SEPTIN3: variants seen among roughly 807,000 people sequenced by gnomAD.
The protein encoded by SEPTIN3 is neuronal-specific septin-3.
A neutral mutation model predicts 45.1 loss-of-function variants in SEPTIN3; 15 were observed. The observed-to-expected ratio is 0.33, with a 90% CI of 0.22 to 0.51. SEPTIN3 has a LOEUF of 0.51. Among genes scored for constraint, SEPTIN3 ranks in the 20% least tolerant of loss-of-function variants. SEPTIN3 has a pLI of 0.97. For synonymous variants in SEPTIN3, 148 were observed against 164.8 expected, an observed-to-expected ratio of 0.90 and a Z score of 0.78; for missense variants, 289 against 457.2, an observed-to-expected ratio of 0.63 and a Z score of 3.35.
chr22:41,992,860 A>T, intron 9 of SEPTIN3, 97 bp downstream of exon 9: 1 of 815,924 alleles, frequency 1.2e-6, no homozygotes, highest in Non-Finnish European at 2.1e-6. Context: ...CTCAGGACAT[A>T]TGAAATGAAT....
intron 7 of SEPTIN3, 121 bp from the exon 8 acceptor site, chr22:41,991,452 A>T: frequency 1.4e-6 from 1 of 732,576 alleles, no homozygotes. Context: ...TTCAGAGATG[A>T]CTGTGGATTA....
intron 11 of SEPTIN3, chr22:41,995,464 G>A: frequency 1.0e-6 from 1 of 985,522 alleles, no homozygotes; most frequent in East Asian, 1.1e-4. Flanking sequence ...CTGCTGCCAG[G>A]CCACTGCCTG....
At position 41,972,379 on chromosome 22, in the gene SEPTIN3, A is replaced by G. The variant is rs903643580; in HGVS notation, c.887A>G (p.Glu296Gly). Reference sequence around the variant, plus strand: ...ACATCCCAACTGGACACAGGCACAGAGTTCCCTGCCCTGGATATCAAGCTG... The same window carrying G: ...ACATCCCAACTGGACACAGGCACAGGGTTCCCTGCCCTGGATATCAAGCTG... ...PNTSQLDTGT[E>G]FPALDIKLGT... Residue 296 changes from glutamate (E) to glycine (G), a missense_variant, in exon 2 of 12, where the codon GAG (glutamate) becomes GGG (glycine). Physicochemically the swap from Glu to Gly is moderately conservative, Grantham distance 98. Coordinates refer to ENST00000644076, the MANE Select transcript of SEPTIN3 (RefSeq NM_001363845.2). The G allele has an allele frequency of 2.5e-6, 1 of 399,158 alleles. No individual in the cohort carries two copies. Among genetic ancestry groups the G allele is most frequent in the Middle Eastern group, 6.3e-4 (1 of 1,588 alleles). 24.7% of individuals were successfully genotyped at this position (399,158 alleles called of 1,614,324 possible).
chr22:41,979,429 G>A (rs2078086352), intron 2 of SEPTIN3, among the ~76,000 whole-genome samples: 1 of 152,218 alleles, frequency 6.6e-6, no homozygotes, highest in East Asian at 1.9e-4. Flanking sequence ...CACAGGTTGA[G>A]ACCAAATGGG....
intron 3 of SEPTIN3, among the ~76,000 whole-genome samples, chr22:41,983,586 T>G (rs1398870253): frequency 6.6e-6 from 1 of 152,196 alleles, no homozygotes; most frequent in Non-Finnish European, 1.5e-5. Flanking sequence ...AGCATTGTAC[T>G]CCTCACTCAG....
At position 41,992,677 on chromosome 22, in the gene SEPTIN3, CT is replaced by C; in HGVS notation, c.2277del (p.Phe759LeufsTer12). ...ENDKIRQESM[P>X]FAVVGSDKEY... Reference sequence around the variant, plus strand: ...TGCCCCGTGCAGCAGGAGAGCATGCCTTTTGCTGTGGTGGGAAGTGACAAGG... The same window carrying C: ...TGCCCCGTGCAGCAGGAGAGCATGCCTTTGCTGTGGTGGGAAGTGACAAGG... On this transcript the variant is annotated frameshift_variant, in exon 9 of 12. Coordinates refer to ENST00000644076, the MANE Select transcript of SEPTIN3 (RefSeq NM_001363845.2). LOFTEE classifies it high-confidence loss of function. 6.2e-7 allele frequency: 1 copy of C among 1,606,744 alleles called. No homozygotes were observed. Among genetic ancestry groups the C allele is most frequent in the Non-Finnish European group, 8.5e-7 (1 of 1,176,108 alleles).
At position 41,971,807 on chromosome 22, in the gene SEPTIN3, G is replaced by A. The variant is rs1269072314; in HGVS notation, c.315G>A (p.Lys105=). Residue 105 remains lysine, a synonymous_variant, in exon 2 of 12, where the codon AAG becomes AAA. Transcript: ENST00000644076. ...PLPTSSLVPR[K]LSSISLTLHQ... ...CCACCAGCAGCCTTGTACCCAGGAA[G>A]CTCAGCTCCATCTCCTTGACTCTCC... 1.0e-5 allele frequency: 4 copies of A among 399,226 alleles called. No homozygotes were observed. Among genetic ancestry groups the A allele is most frequent in the African/African-American group, 2.1e-5 (1 of 48,648 alleles). 24.7% of individuals were successfully genotyped at this position (399,226 alleles called of 1,614,324 possible).
Position 41,977,157 on chromosome 22 carries a change from A to AG in SEPTIN3, c.1504+4164dup, listed in dbSNP as rs944577062. 3.5e-6 allele frequency: 5 copies of AG among 1,426,846 alleles called. No homozygotes were observed. In the African/African-American group the frequency reaches 7.3e-5, roughly 21 times the overall value. 88.4% of individuals were successfully genotyped at this position (1,426,846 alleles called of 1,614,324 possible). ...GCGCGGCTGGAGGCGCTCCTGGGGG[A>AG]GGGTTTCCGCGCCGAGGAGCCCACG... On this transcript the variant is annotated intron_variant, in intron 2 of 11. Transcript: ENST00000644076.
chr22:41,995,527 T>C, intron 11 of SEPTIN3: 20 of 985,516 alleles, frequency 2.0e-5, no homozygotes, highest in Non-Finnish European at 2.3e-5. Flanking sequence ...CCCTCATACA[T>C]TGCTTTCTCT....
intron 9 of SEPTIN3, among the ~76,000 whole-genome samples, chr22:41,993,781 A>AC (rs780008351): frequency 1.3e-5 from 2 of 152,240 alleles, no homozygotes; most frequent in Non-Finnish European, 2.9e-5. Context: ...GGCATGAGCC[A>AC]CAGCGCCTGG....
At chr22:41,989,927 T>G (rs1232204981) in intron 7 of SEPTIN3, among the ~76,000 whole-genome samples, 3 of 152,148 alleles carry the variant, frequency 2.0e-5, no homozygotes, top group Non-Finnish European at 2.9e-5. Flanking sequence ...AACCTACCTG[T>G]GAAGACCACT....
intron 6 of SEPTIN3, among the ~76,000 whole-genome samples, chr22:41,988,392 G>A (rs2078244684): frequency 6.6e-6 from 1 of 152,068 alleles, no homozygotes; most frequent in Non-Finnish European, 1.5e-5. Context: ...AGATCCTAGG[G>A]GGCAGGCCAG....
intron 7 of SEPTIN3, among the ~76,000 whole-genome samples, chr22:41,990,479 C>T (rs907711471): frequency 4.0e-5 from 6 of 151,738 alleles, no homozygotes; most frequent in South Asian, 4.2e-4. Context: ...GGCGTGGTGG[C>T]TCATGCCTGT....
Position 41,994,307 on chromosome 22 carries a change from T to C in SEPTIN3, c.2377T>C (p.Cys793Arg). The C allele has an allele frequency of 6.2e-7, 1 of 1,614,058 alleles. No individual in the cohort carries two copies. The highest frequency in any genetic ancestry group is 8.5e-7 in the Non-Finnish European group (1 of 1,180,030). The change falls in exon 10 of 12, where the codon TGT becomes CGT. Residue 793 changes from cysteine (C) to arginine (R), a missense_variant. Physicochemically the swap from Cys to Arg is radical, Grantham distance 180. Around this residue, in one of 3 missense-constraint regions of SEPTIN3, gnomAD observed 84 missense variants for 114.7 expected, o/e 0.73. Coordinates refer to ENST00000644076, the MANE Select transcript of SEPTIN3 (RefSeq NM_001363845.2). This position sits in a 1 kb window ranked among gnomAD's most constrained non-coding sequence, Gnocchi z 4.2. ...GIIEVENLNH[C>R]EFALLRDFVI... ...GTTCATAGTGGAAAACCTCAACCACTGTGAGTTTGCCCTGCTTCGAGACTT... is the reference window on the plus strand; with the variant it reads ...GTTCATAGTGGAAAACCTCAACCACCGTGAGTTTGCCCTGCTTCGAGACTT...
rs141560735 is a variant in SEPTIN3 at position 41,972,228 on chromosome 22, C to T, written c.736C>T (p.Arg246Cys). 1.0e-3 allele frequency: 400 copies of T among 399,068 alleles called. No individual in the cohort carries two copies. Among genetic ancestry groups the T allele is most frequent in the African/African-American group, 7.5e-3 (366 of 48,732 alleles). The allele number at this position is 399,068 out of a possible 1,614,324, so 24.7% of individuals were successfully genotyped here. Residue 246 changes from arginine to cysteine, a missense_variant, in exon 2 of 12, where the codon CGT becomes TGT. By Grantham distance (180) the Arg-to-Cys change is radical (BLOSUM62 -3). Transcript: ENST00000644076. ...RARGIPRPRG[R>C]LQRANTTVNL... ...CAGGGGGATCCCCAGACCCCGGGGG[C>T]GTCTCCAAAGGGCCAACACGACTGT...
intron 2 of SEPTIN3, among the ~76,000 whole-genome samples, chr22:41,973,218 A>C (rs2077977374): frequency 6.6e-6 from 1 of 152,052 alleles, no homozygotes; most frequent in African/African-American, 2.4e-5. Flanking sequence ...AGGCTGAGGG[A>C]AACTATCAGA....
At chr22:41,974,465 C>A (rs1300707052) in intron 2 of SEPTIN3, among the ~76,000 whole-genome samples, 1 of 151,948 alleles carries the variant, frequency 6.6e-6, no homozygotes, top group Non-Finnish European at 1.5e-5. Flanking sequence ...GAGATCAAGA[C>A]CATCCTGGCT....
At chr22:41,995,486 G>A (rs1043495098) in intron 11 of SEPTIN3, 35 of 985,408 alleles carry the variant, frequency 3.6e-5, no homozygotes, top group East Asian at 1.1e-4. Context: ...CTCTGCTTCC[G>A]ACTTTGTCTT....
chr22:41,986,799 C>T (rs1038231222), intron 4 of SEPTIN3, among the ~76,000 whole-genome samples: 4 of 151,936 alleles, frequency 2.6e-5, no homozygotes, highest in African/African-American at 9.7e-5. Flanking sequence ...CCACGCCCGG[C>T]CCGAAACCCT....
Sources: gnomAD v4.1 joint callset for allele counts (sites outside exome capture counted in the v4.1 genomes callset) on GRCh38, gnomAD v4.1.1 for gene constraint, gnomAD v4.1.1 regional missense constraint, Gnocchi (gnomAD v3.1) non-coding constraint, MANE v1.5 for transcripts, NCBI Gene and HGNC (gene_info 2026-07-23, HGNC 2026-07-21) for gene names.